The following ZRANB3 variants were observed in gnomAD, a reference collection of about 807,000 sequenced individuals.
ZRANB3 encodes DNA annealing helicase and endonuclease ZRANB3.
Under a neutral mutation model 133.8 loss-of-function variants are expected in ZRANB3, and 125 were observed. The observed-to-expected ratio is 0.93, with a 90% CI of 0.81 to 1.08. The LOEUF is 1.08. Ranked by LOEUF, ZRANB3 falls within the 50% of genes least tolerant of loss-of-function variation. ZRANB3 has a pLI of 0.00. For missense variants in ZRANB3, 1,229 were observed against 1,275.5 expected (o/e 0.96, Z 0.56); for synonymous variants, 387 against 432.7 (o/e 0.89, Z 1.31).
In ZRANB3 at chr2:135,202,897, A is replaced by G; in HGVS notation, c.3076T>C (p.Tyr1026His). The G allele has an allele frequency of 6.2e-7, 1 of 1,612,278 alleles. No homozygotes were observed. Among genetic ancestry groups the G allele is most frequent in the Non-Finnish European group, 8.5e-7 (1 of 1,179,234 alleles). The part of the protein sequence containing the change: ...FWQVDHIKPV[Y>H]GGGGQCSLDN... ...AGGGAACACTGTCCTCCTCCCCCAT[A>G]CACTGGCTTGATGTGATCCACCTGC... The change falls in exon 20 of 21, where the codon TAT (tyrosine) becomes CAT (histidine). Residue 1026 changes from tyrosine to histidine, a missense_variant. Transcript: ENST00000264159.
At chr2:135,411,075 T>A (rs763628864) in intron 2 of ZRANB3, among the ~76,000 whole-genome samples, 1 of 151,886 alleles carries the variant, frequency 6.6e-6, no homozygotes, top group Non-Finnish European at 1.5e-5. Context: ...CCCAACTCTA[T>A]TAAAATTACA....
chr2:135,392,691 T>G (rs1347190726), intron 2 of ZRANB3, among the ~76,000 whole-genome samples: 1 of 152,112 alleles, frequency 6.6e-6, no homozygotes, highest in Non-Finnish European at 1.5e-5. Context: ...GAGGTTGCAG[T>G]GAGCCAAGAT....
chr2:135,242,051 C>T (rs891425089), intron 12 of ZRANB3, among the ~76,000 whole-genome samples: 3 of 152,030 alleles, frequency 2.0e-5, no homozygotes, highest in Admixed American at 6.6e-5. Flanking sequence ...ATGGTGCGCA[C>T]GCCTGTAATT....
chr2:135,412,988 T>C (rs1463655760), intron 2 of ZRANB3, among the ~76,000 whole-genome samples: 2 of 152,188 alleles, frequency 1.3e-5, no homozygotes, highest in Non-Finnish European at 2.9e-5. Flanking sequence ...CAAGCTTTCA[T>C]GTCTTTCCTG....
rs147509500 is a variant in ZRANB3, at chr2:135,245,044, G to C, written c.1540-14117C>G. 2.2e-4 allele frequency among the ~76,000 whole-genome samples: 34 copies of C among 152,306 alleles called. 1 individual carries two copies. Among genetic ancestry groups the C allele is most frequent in the African/African-American group, 7.7e-4 (32 of 41,572 alleles). On this transcript the variant is annotated intron_variant, in intron 12 of 20. Coordinates refer to ENST00000264159, the MANE Select transcript of ZRANB3 (RefSeq NM_032143.4). ...GAAAGGAAATCATTTTAATAATATT[G>C]TGAACCAAAAGGTACTCTTAAGAAT...
intron 2 of ZRANB3, among the ~76,000 whole-genome samples, chr2:135,451,939 A>G (rs1690291185): frequency 6.6e-6 from 1 of 152,226 alleles, no homozygotes; most frequent in Non-Finnish European, 1.5e-5. Flanking sequence ...AGAAAAGATT[A>G]GTGTACTTGA....
At chr2:135,387,092 G>C (rs1205416686) in intron 3 of ZRANB3, among the ~76,000 whole-genome samples, 1 of 151,926 alleles carries the variant, frequency 6.6e-6, no homozygotes, top group African/African-American at 2.4e-5. Flanking sequence ...TAAAGCTAGG[G>C]AGAAAAGATC....
In ZRANB3 at chr2:135,227,863, C is replaced by T; in HGVS notation, c.2107G>A (p.Glu703Lys). The change falls in exon 14 of 21, where the codon GAA (glutamate) becomes AAA (lysine). Residue 703 changes from glutamate (E) to lysine (K), a missense_variant. Coordinates refer to ENST00000264159, the MANE Select transcript of ZRANB3 (RefSeq NM_032143.4). ...TCTTCTTTCTCAATTTTTGGTGTTT[C>T]TTCCTTGCTGTCAGCCAACTGGCCA... ...EPGQLADSKEETPKIEKEDGL... is the reference protein window; with the variant it reads ...EPGQLADSKEKTPKIEKEDGL... The T allele has an allele frequency of 6.3e-7, 1 of 1,576,396 alleles. No individual in the cohort carries two copies. The highest frequency in any genetic ancestry group is 8.6e-7 in the Non-Finnish European group (1 of 1,159,132).
rs906208381 is a variant in ZRANB3, at chr2:135,198,205, A to C, written c.*2137T>G. On this transcript the variant is annotated 3_prime_UTR_variant, in exon 21 of 21. Coordinates refer to ENST00000264159, the MANE Select transcript of ZRANB3 (RefSeq NM_032143.4). Reference sequence around the variant, plus strand: ...TGTCATAACCTCCCATTTGCAATACATAGTGGGGAGCTTCTGTTTCAGATT... The same window carrying C: ...TGTCATAACCTCCCATTTGCAATACCTAGTGGGGAGCTTCTGTTTCAGATT... 6.6e-6 allele frequency: 1 copy of C among 152,138 alleles called. No homozygotes were observed. Among genetic ancestry groups the C allele is most frequent in the Non-Finnish European group, 1.5e-5 (1 of 68,050 alleles). 9.4% of individuals were successfully genotyped at this position (152,138 alleles called of 1,614,324 possible). A position where few individuals can be genotyped will look rare whatever the true frequency, so the allele number is the denominator to read the frequency against.
chr2:135,331,886 A>C (rs1034085074), intron 6 of ZRANB3, among the ~76,000 whole-genome samples: 1 of 151,964 alleles, frequency 6.6e-6, no homozygotes, highest in Non-Finnish European at 1.5e-5. Context: ...TTTTTAAGAA[A>C]ATGTTTTTTT....
chr2:135,249,419 A>T (rs982445881), intron 12 of ZRANB3, among the ~76,000 whole-genome samples: 2 of 152,278 alleles, frequency 1.3e-5, no homozygotes, highest in African/African-American at 4.8e-5. Context: ...TTAGCCATAA[A>T]AAAGAATGAT....
intron 15 of ZRANB3, among the ~76,000 whole-genome samples, chr2:135,223,139 C>T (rs1396677275): frequency 6.6e-6 from 1 of 151,148 alleles, no homozygotes; most frequent in East Asian, 2.0e-4. Context: ...GTAGTCCCAG[C>T]TACCTGGAGG....
At chr2:135,211,268 C>T (rs185095753) in intron 17 of ZRANB3, among the ~76,000 whole-genome samples, 2 of 152,100 alleles carry the variant, frequency 1.3e-5, no homozygotes, top group Admixed American at 1.3e-4. Flanking sequence ...AGGCTGGGTG[C>T]GGTGGCTCAT....
intron 2 of ZRANB3, among the ~76,000 whole-genome samples, chr2:135,488,713 C>G (rs1692236106): frequency 6.6e-6 from 1 of 150,612 alleles, no homozygotes; most frequent in Admixed American, 6.6e-5. Context: ...TTTGTAAACA[C>G]CACATATATG....
chr2:135,390,636 T>G (rs1687182831), intron 3 of ZRANB3, among the ~76,000 whole-genome samples, 166 bp downstream of exon 3: 1 of 151,798 alleles, frequency 6.6e-6, no homozygotes, highest in African/African-American at 2.4e-5. Flanking sequence ...ATTCATTCAT[T>G]CTCATTCTCT....
Position 135,208,879 on chromosome 2 carries a change from A to T in ZRANB3, c.2595T>A (p.Asp865Glu), listed in dbSNP as rs1011730408. Residue 865 changes from aspartate (D) to glutamate (E), a missense_variant, in exon 18 of 21, where the codon GAT becomes GAA. By Grantham distance (45) the Asp-to-Glu change is conservative. Coordinates refer to ENST00000264159, the MANE Select transcript of ZRANB3 (RefSeq NM_032143.4). ...TAGAAAAACCTTACTTTGTGAAAGG[A>T]TCCCGTGGCCTGGACTCCTTTGTGA... The part of the protein sequence containing the change: ...RLITKESRPR[D>E]PFTKKLLEDG... 6.2e-7 allele frequency: 1 copy of T among 1,613,880 alleles called. No individual in the cohort carries two copies. Among genetic ancestry groups the T allele is most frequent in the African/African-American group, 1.3e-5 (1 of 74,950 alleles).
At chr2:135,284,319 T>C (rs1681242199) in intron 8 of ZRANB3, among the ~76,000 whole-genome samples, 1 of 152,238 alleles carries the variant, frequency 6.6e-6, no homozygotes, top group Non-Finnish European at 1.5e-5. Flanking sequence ...GCTCTTATTA[T>C]TAGCATATTT....
At chr2:135,418,925 CT>C (rs769271961) in intron 2 of ZRANB3, among the ~76,000 whole-genome samples, 362 of 85,842 alleles carry the variant, frequency 4.2e-3, no homozygotes, top group African/African-American at 0.013. Flanking sequence ...AGGATTCTCT[CT>C]TTTTTTTTTT....
At chr2:135,267,546 G>A (rs1680307821) in intron 11 of ZRANB3, among the ~76,000 whole-genome samples, 1 of 151,940 alleles carries the variant, frequency 6.6e-6, no homozygotes, top group African/African-American at 2.4e-5. Flanking sequence ...AAGTTTCAAA[G>A]TAAGTTTTAG....
Sources: gnomAD v4.1 joint callset for allele counts (sites outside exome capture counted in the v4.1 genomes callset) on GRCh38, gnomAD v4.1.1 for gene constraint, MANE v1.5 for transcripts, NCBI Gene and HGNC (gene_info 2026-07-23, HGNC 2026-07-21) for gene names.